The following STRN variants were observed in gnomAD, a reference collection of about 807,000 sequenced individuals.
STRN encodes the protein striatin.
In STRN, 53 loss-of-function variants were observed where a neutral mutation model predicts 96.3. That is an observed-to-expected ratio of 0.55 (90% CI 0.44 to 0.69). The LOEUF is 0.69. STRN is among the 30% of genes least tolerant of loss of function. STRN has a pLI of 0.00. For synonymous variants in STRN, 428 were observed against 355.9 expected (o/e 1.20, Z -2.28); for missense variants, 987 against 963.9 (o/e 1.02, Z -0.32).
chr2:36,906,139 T>C (rs1251492322), intron 3 of STRN, among the ~76,000 whole-genome samples: 1 of 152,146 alleles, frequency 6.6e-6, no homozygotes, highest in African/African-American at 2.4e-5. Context: ...CATAAATATA[T>C]ACACCATGTA....
At chr2:36,913,572 C>G (rs146047249) in intron 3 of STRN, among the ~76,000 whole-genome samples, 270 of 152,260 alleles carry the variant, frequency 1.8e-3, no homozygotes, top group Non-Finnish European at 2.8e-3. Context: ...TATTATTTAT[C>G]CATTATACAT....
intron 1 of STRN, among the ~76,000 whole-genome samples, chr2:36,937,220 T>C (rs1670723433): frequency 1.3e-5 from 2 of 151,548 alleles, no homozygotes; most frequent in Non-Finnish European, 1.5e-5. Flanking sequence ...GGTGCATGCC[T>C]ATAATCCCAG....
intron 7 of STRN, among the ~76,000 whole-genome samples, chr2:36,892,015 A>C (rs1669414451): frequency 6.6e-6 from 1 of 152,222 alleles, no homozygotes. Flanking sequence ...GTAACTAAAA[A>C]CGTAAAAAAA....
chr2:36,857,442 A>G (rs1668373857), intron 14 of STRN, among the ~76,000 whole-genome samples: 1 of 152,030 alleles, frequency 6.6e-6, no homozygotes, highest in South Asian at 2.1e-4. Context: ...CGGGAGGCTG[A>G]GGCAGGCGAA....
intron 16 of STRN, 34 bp downstream of exon 16, chr2:36,850,966 C>A: frequency 2.8e-6 from 3 of 1,079,998 alleles, no homozygotes; most frequent in Non-Finnish European, 1.2e-6. Flanking sequence ...TTTTTTTTTG[C>A]TTTAATAAAA....
rs2540935 is a variant in STRN at position 36,860,940 on chromosome 2, C to T, written c.1669+192G>A. On this transcript the variant is annotated intron_variant, in intron 13 of 17. Transcript: ENST00000263918. ...GGAACTGTATTTTCAAGAATGTGTT[C>T]TTCTTTTCTTCTTTTAGCATTGTAT... is the stretch of plus-strand genomic sequence containing the variant. Among the ~76,000 whole-genome samples, 142,810 of 152,280 alleles carry T rather than the reference C, an allele frequency of 0.94. 67,659 individuals carry two copies. Among genetic ancestry groups the T allele is most frequent in the East Asian group, 1 (5,188 of 5,188 alleles).
Position 36,886,830 on chromosome 2 carries a change from A to C in STRN, c.932-4T>G. 6.2e-7 allele frequency: 1 copy of C among 1,604,338 alleles called. No individual in the cohort carries two copies. The highest frequency in any genetic ancestry group is 8.5e-7 in the Non-Finnish European group (1 of 1,175,404). ...ATGAGACACTGGTCTTCCTTTTCTA[A>C]ACAGAGTGAAACAAATGAAACAGCC... On this transcript the variant is annotated splice_region_variant and splice_polypyrimidine_tract_variant and intron_variant, in intron 7 of 17. Transcript: ENST00000263918.
chr2:36,905,057 C>T (rs1669787152), intron 4 of STRN, among the ~76,000 whole-genome samples: 1 of 151,508 alleles, frequency 6.6e-6, no homozygotes, highest in Non-Finnish European at 1.5e-5. Flanking sequence ...GCAAACTCCA[C>T]CTCCCGGGTT....
chr2:36,935,524 A>T (rs1670680016), intron 1 of STRN, among the ~76,000 whole-genome samples: 1 of 152,236 alleles, frequency 6.6e-6, no homozygotes, highest in South Asian at 2.1e-4. Context: ...GAATGTTCAC[A>T]ATTTATCTCA....
intron 1 of STRN, among the ~76,000 whole-genome samples, chr2:36,953,105 G>A (rs1451926286): frequency 2.0e-5 from 3 of 152,172 alleles, no homozygotes; most frequent in African/African-American, 7.2e-5. Context: ...TGAAACCTGT[G>A]TGTTCAGTAA....
At chr2:36,928,735 G>C (rs950870110) in intron 1 of STRN, among the ~76,000 whole-genome samples, 4 of 151,352 alleles carry the variant, frequency 2.6e-5, no homozygotes, top group Admixed American at 6.6e-5. Flanking sequence ...ACGAGGTCAG[G>C]AGTTCAAGAC....
At chr2:36,902,054 T>A (rs1223915469) in intron 5 of STRN, among the ~76,000 whole-genome samples, 1 of 152,212 alleles carries the variant, frequency 6.6e-6, no homozygotes, top group Non-Finnish European at 1.5e-5. Flanking sequence ...TCATATGTAA[T>A]TGTATGATAC....
In STRN at chr2:36,884,066, C is replaced by T. The variant is rs774227281; in HGVS notation, c.1052G>A (p.Arg351Lys). 7.4e-7 allele frequency: 1 copy of T among 1,346,226 alleles called. No homozygotes were observed. The highest frequency in any genetic ancestry group is 9.6e-7 in the Non-Finnish European group (1 of 1,039,666). The allele number at this position is 1,346,226 out of a possible 1,614,324, so 83.4% of individuals were successfully genotyped here. Residue 351 changes from arginine to lysine, a missense_variant, in exon 9 of 18, where the codon AGG becomes AAG. By Grantham distance (26) the Arg-to-Lys change is conservative. Transcript: ENST00000263918. Reference protein sequence around the residue: ...KGKKGVKRPNRSKLQDMLANL... With the variant: ...KGKKGVKRPNKSKLQDMLANL... ...AGCAAGCATATCTTGTAGTTTTGAC[C>T]TATTGGGCCCTAGCCAAAAAAAGGG...
At chr2:36,884,955 T>C (rs1669181731) in intron 8 of STRN, among the ~76,000 whole-genome samples, 1 of 152,182 alleles carries the variant, frequency 6.6e-6, no homozygotes, top group Admixed American at 6.5e-5. Flanking sequence ...TAACATGAAC[T>C]GAAGACATTA....
At chr2:36,865,484 C>T (rs1051167202) in intron 12 of STRN, among the ~76,000 whole-genome samples, 1 of 151,960 alleles carries the variant, frequency 6.6e-6, no homozygotes, top group African/African-American at 2.4e-5. Flanking sequence ...CAGTTCAGCT[C>T]TGAGTTTGGT....
At chr2:36,959,283 T>G (rs1482114663) in intron 1 of STRN, among the ~76,000 whole-genome samples, 1 of 152,190 alleles carries the variant, frequency 6.6e-6, no homozygotes, top group Non-Finnish European at 1.5e-5. Context: ...AGCATCAGTG[T>G]GGCTCTGCTT....
At chr2:36,912,856 T>G (rs1290125093) in intron 3 of STRN, among the ~76,000 whole-genome samples, 1 of 152,202 alleles carries the variant, frequency 6.6e-6, no homozygotes, top group East Asian at 1.9e-4. Context: ...GTCTAGTTGT[T>G]TAAATTACAA....
At chr2:36,857,115 A>T (rs1352413199) in intron 14 of STRN, among the ~76,000 whole-genome samples, 1 of 150,676 alleles carries the variant, frequency 6.6e-6, no homozygotes, top group East Asian at 2.0e-4. Context: ...AAATGTAGAG[A>T]CAGGGCCTCG....
intron 1 of STRN, among the ~76,000 whole-genome samples, chr2:36,953,904 G>A (rs890381863): frequency 2.0e-5 from 3 of 152,130 alleles, no homozygotes; most frequent in African/African-American, 4.8e-5. Context: ...GCTGATGCAG[G>A]AGGATCAACT....
Sources: allele counts gnomAD v4.1 joint callset (sites outside exome capture counted in the v4.1 genomes callset), GRCh38; gene constraint gnomAD v4.1.1; transcripts MANE v1.5; gene names NCBI Gene and HGNC (gene_info 2026-07-23, HGNC 2026-07-21).